The following PKHD1L1 variants were observed in gnomAD, a reference collection of about 807,000 sequenced individuals.
PKHD1L1 encodes PKHD1 like 1.
In PKHD1L1, 434 loss-of-function variants were observed where a neutral mutation model predicts 462.9. That is an observed-to-expected ratio of 0.94 (90% confidence interval 0.87 to 1.02). The LOEUF (loss-of-function observed/expected upper bound fraction) is 1.02, where lower values mean the gene tolerates loss of function less well. Among genes scored for constraint, PKHD1L1 ranks in the 50% least tolerant of loss-of-function variants. PKHD1L1 has a pLI of 0.00. For missense variants in PKHD1L1, 5,202 were observed against 5,096.1 expected (o/e 1.02, Z -0.63); for synonymous variants, 1,781 against 1,750.0 (o/e 1.02, Z -0.44).
At chr8:109,377,464 A>G (rs1811897040) in intron 2 of PKHD1L1, among the ~76,000 whole-genome samples, 1 of 152,182 alleles carries the variant, frequency 6.6e-6, no homozygotes, top group African/African-American at 2.4e-5. Flanking sequence ...CATGGATACA[A>G]ATTTGCTAGT....
intron 59 of PKHD1L1, among the ~76,000 whole-genome samples, chr8:109,489,594 A>G (rs1417259623): frequency 6.6e-6 from 1 of 151,924 alleles, no homozygotes; most frequent in Non-Finnish European, 1.5e-5. Flanking sequence ...TACATTCTCA[A>G]TTCGAAAATA....
intron 29 of PKHD1L1, 110 bp downstream of exon 29, chr8:109,435,464 G>C (rs1586504777): frequency 8.4e-7 from 1 of 1,188,402 alleles, no homozygotes; most frequent in African/African-American, 1.5e-5. Flanking sequence ...TCCTCTTATA[G>C]AACAAAGGAA....
At chr8:109,412,481 T>C in intron 20 of PKHD1L1, 67 bp downstream of exon 20, 1 of 1,442,126 alleles carries the variant, frequency 6.9e-7, no homozygotes, top group Non-Finnish European at 9.3e-7. Context: ...TTTCATGAAA[T>C]TTTAAGACAA....
chr8:109,441,031 C>A (rs1235597700), intron 33 of PKHD1L1, among the ~76,000 whole-genome samples, 179 bp downstream of exon 33: 1 of 151,968 alleles, frequency 6.6e-6, no homozygotes, highest in Non-Finnish European at 1.5e-5. Context: ...CTTTTTATTT[C>A]AATAAATAAT....
At chr8:109,513,636 G>T (rs1394328952) in intron 71 of PKHD1L1, among the ~76,000 whole-genome samples, 1 of 152,060 alleles carries the variant, frequency 6.6e-6, no homozygotes, top group African/African-American at 2.4e-5. Context: ...CTGATAAGGT[G>T]AAGCAGAGAA....
At chr8:109,517,113 TAATG>T (rs1254701994) in intron 72 of PKHD1L1, among the ~76,000 whole-genome samples, 8 of 152,268 alleles carry the variant, frequency 5.3e-5, no homozygotes, top group African/African-American at 1.9e-4. Context: ...AAAGAATTGA[TAATG>T]TAGGTGCTGA....
At chr8:109,369,404 CATTT>C (rs1811384654) in intron 2 of PKHD1L1, among the ~76,000 whole-genome samples, 1 of 152,046 alleles carries the variant, frequency 6.6e-6, no homozygotes, top group South Asian at 2.1e-4. Flanking sequence ...TTAATAATAA[CATTT>C]ATGAATTATT....
intron 47 of PKHD1L1, 121 bp from the exon 48 acceptor site, chr8:109,461,651 A>G (rs974541556): frequency 5.1e-5 from 53 of 1,045,776 alleles, no homozygotes; most frequent in Non-Finnish European, 6.9e-5. Flanking sequence ...GCAAATAACT[A>G]TGTTCTAGGA....
chr8:109,378,687 T>TAGGC (rs1469923654), intron 2 of PKHD1L1, among the ~76,000 whole-genome samples: 4 of 152,150 alleles, frequency 2.6e-5, no homozygotes, highest in Non-Finnish European at 4.4e-5. Flanking sequence ...GCCTCTCTGG[T>TAGGC]AGGCAGAGCC....
In PKHD1L1 at chr8:109,531,731, C is replaced by T. The variant is rs773088125; in HGVS notation, c.*1641C>T. On this transcript the variant is annotated 3_prime_UTR_variant, in exon 78 of 78. Coordinates refer to ENST00000378402, the MANE Select transcript of PKHD1L1 (RefSeq NM_177531.6). ...AGTCTTCAAAGTATACATGAAAGCC[C>T]CTTCATGAGGAACATTTGCCATGTC... Among the ~76,000 whole-genome samples the T allele has an allele frequency of 6.6e-6, 1 of 152,120 alleles. No homozygotes were observed. The highest frequency in any genetic ancestry group is 6.5e-5 in the Admixed American group (1 of 15,288).
intron 50 of PKHD1L1, among the ~76,000 whole-genome samples, chr8:109,468,040 TC>T (rs1159327555): frequency 6.6e-6 from 1 of 152,138 alleles, no homozygotes; most frequent in Non-Finnish European, 1.5e-5. Flanking sequence ...TTGTTGAATT[TC>T]CCCCATTTAA....
rs1467963381 is a variant in PKHD1L1, at chr8:109,530,227, A to G, written c.*137A>G. On this transcript the variant is annotated 3_prime_UTR_variant, in exon 78 of 78. Coordinates refer to ENST00000378402, the MANE Select transcript of PKHD1L1 (RefSeq NM_177531.6). ...TTATGATATATAAAATGTACTAATT[A>G]GCTTTAAACACTAAAATCAGATTTC... 2.5e-6 allele frequency: 1 copy of G among 394,718 alleles called. No homozygotes were observed. The highest frequency in any genetic ancestry group is 4.3e-6 in the Non-Finnish European group (1 of 230,296). 24.5% of individuals were successfully genotyped at this position (394,718 alleles called of 1,614,324 possible).
intron 59 of PKHD1L1, among the ~76,000 whole-genome samples, chr8:109,489,510 G>T (rs1205082037): frequency 6.6e-6 from 1 of 151,904 alleles, no homozygotes; most frequent in Non-Finnish European, 1.5e-5. Flanking sequence ...GATTATAAAA[G>T]GTAATGCCCT....
intron 39 of PKHD1L1, 108 bp downstream of exon 39, chr8:109,448,499 G>GTTACTCAAACACATAAAATTTCTAGTT (rs1816291028): frequency 8.5e-7 from 1 of 1,180,172 alleles, no homozygotes; most frequent in Non-Finnish European, 1.1e-6. Context: ...AATTTCTAGT[G>GTTACTCAAACACATAAAATTTCTAGTT]TTTTTTTTGT....
chr8:109,489,991 G>C lies in PKHD1L1; in HGVS notation c.9920G>C (p.Gly3307Ala). Reference protein sequence around the residue: ...RISNVEFYHSGQEGFRDSTDP... With the variant: ...RISNVEFYHSAQEGFRDSTDP... ...AGTAATGTGGAATTTTATCACAGTG[G>C]TCAAGAAGGCTTCAGGGATAGCACA... The change falls in exon 60 of 78, where the codon GGT becomes GCT. Residue 3307 changes from glycine to alanine, a missense_variant. Transcript: ENST00000378402. 6.2e-7 allele frequency: 1 copy of C among 1,608,838 alleles called. No homozygotes were observed.
intron 14 of PKHD1L1, among the ~76,000 whole-genome samples, chr8:109,403,783 A>G (rs990463832): frequency 1.3e-5 from 2 of 152,106 alleles, no homozygotes; most frequent in African/African-American, 4.8e-5. Flanking sequence ...TATTCTTCCT[A>G]TATAAGAATA....
rs1309592337 is a variant in PKHD1L1, at chr8:109,518,448, T to C, written c.11971T>C (p.Phe3991Leu). 6.2e-7 allele frequency: 1 copy of C among 1,610,380 alleles called. No individual in the cohort carries two copies. The highest frequency in any genetic ancestry group is 1.7e-5 in the Admixed American group (1 of 59,870). ...TCTGAGGAGGAAGAGATCCATGGGA[T>C]TCATAATTGAAATAGAGATTGGAGA... ...KSLRRKRSMG[F>L]IIEIEIGDPP... The change falls in exon 73 of 78, where the codon TTC (phenylalanine) becomes CTC (leucine). Residue 3991 changes from phenylalanine to leucine, a missense_variant. By Grantham distance (22) the Phe-to-Leu change is conservative (BLOSUM62 0). Coordinates refer to ENST00000378402, the MANE Select transcript of PKHD1L1 (RefSeq NM_177531.6).
At position 109,419,131 on chromosome 8, in the gene PKHD1L1, G is replaced by T. The variant is rs764828451; in HGVS notation, c.2395G>T (p.Val799Leu). 102 of 1,613,240 alleles carry T rather than the reference G, an allele frequency of 6.3e-5. No homozygotes were observed. Among genetic ancestry groups the T allele is most frequent in the Non-Finnish European group, 8.5e-5 (100 of 1,179,518 alleles). The part of the protein sequence containing the change: ...TYTCIDLLDL[V>L]RTKYTGTNVS... Reference sequence around the variant, plus strand: ...CACTTGCATAGACCTTCTGGATCTCGTAAGAACGAAATACACTGGGACAAA... The same window carrying T: ...CACTTGCATAGACCTTCTGGATCTCTTAAGAACGAAATACACTGGGACAAA... Residue 799 changes from valine to leucine, a missense_variant, in exon 22 of 78, where the codon GTA becomes TTA. Val to Leu is a conservative substitution (Grantham distance 32). Coordinates refer to ENST00000378402, the MANE Select transcript of PKHD1L1 (RefSeq NM_177531.6).
chr8:109,379,145 C>T (rs1476231205), intron 2 of PKHD1L1, among the ~76,000 whole-genome samples: 1 of 152,174 alleles, frequency 6.6e-6, no homozygotes, highest in African/African-American at 2.4e-5. Context: ...CAGAGACCAA[C>T]ACTGAGCTCT....
Sources: gnomAD v4.1 joint callset for allele counts (sites outside exome capture counted in the v4.1 genomes callset) on GRCh38, gnomAD v4.1.1 for gene constraint, MANE v1.5 for transcripts, NCBI Gene and HGNC (gene_info 2026-07-23, HGNC 2026-07-21) for gene names.